NRXN1: variants seen among roughly 807,000 people sequenced by gnomAD.
NRXN1 encodes neurexin 1.
In NRXN1, 39 loss-of-function variants were observed where a neutral mutation model predicts 150.9. That is an observed-to-expected ratio of 0.26 (90% CI 0.20 to 0.34). The LOEUF is 0.34. NRXN1 is among the 10% of genes least tolerant of loss of function. The pLI is 1.00. For missense variants in NRXN1, 1,815 were observed against 1,949.9 expected (o/e 0.93, Z 1.30); for synonymous variants, 924 against 757.0 (o/e 1.22, Z -3.62).
At chr2:50,706,391 G>A (rs1694440948) in intron 5 of NRXN1, among the ~76,000 whole-genome samples, 2 of 152,102 alleles carry the variant, frequency 1.3e-5, no homozygotes, top group African/African-American at 4.8e-5. Context: ...CAACAGGTTA[G>A]CAAATACTTC....
intron 21 of NRXN1, among the ~76,000 whole-genome samples, chr2:49,957,600 C>G (rs1675208008): frequency 6.6e-6 from 1 of 152,100 alleles, no homozygotes; most frequent in Non-Finnish European, 1.5e-5. Flanking sequence ...AAAAGCACCT[C>G]AAAAAATCAC....
chr2:50,465,079 C>G (rs567539990), intron 17 of NRXN1, among the ~76,000 whole-genome samples: 2 of 151,226 alleles, frequency 1.3e-5, no homozygotes, highest in African/African-American at 4.9e-5. Context: ...TTACAGCCCT[C>G]GAGACATAAT....
Position 50,519,682 on chromosome 2 carries a change from G to A in NRXN1, c.2374+8943C>T, listed in dbSNP as rs145451029. ...CTATTAGTAGGTTACAGTCAAGGACGATAACTTATACTAACACATCTAGAA... is the reference window on the plus strand; with the variant it reads ...CTATTAGTAGGTTACAGTCAAGGACAATAACTTATACTAACACATCTAGAA... On this transcript the variant is annotated intron_variant, in intron 12 of 22. Transcript: ENST00000401669. Among the ~76,000 whole-genome samples the A allele has an allele frequency of 7.1e-4, 108 of 151,990 alleles. 1 individual carries two copies. The highest frequency in any genetic ancestry group is 2.4e-3 in the African/African-American group (99 of 41,520).
At chr2:50,466,549 T>C (rs1399642728) in intron 16 of NRXN1, 2 of 453,816 alleles carry the variant, frequency 4.4e-6, no homozygotes, top group South Asian at 1.6e-5. Flanking sequence ...AATACTGAAA[T>C]GGGGCAAACA....
intron 17 of NRXN1, among the ~76,000 whole-genome samples, chr2:50,292,832 T>A (rs890333785): frequency 6.6e-6 from 1 of 152,158 alleles, no homozygotes; most frequent in Admixed American, 6.6e-5. Flanking sequence ...TAATGCCAAA[T>A]CTTGATTCAT....
intron 17 of NRXN1, among the ~76,000 whole-genome samples, chr2:50,446,121 G>C (rs1378020165): frequency 1.4e-5 from 2 of 147,524 alleles, no homozygotes; most frequent in Non-Finnish European, 3.0e-5. Flanking sequence ...GTGTGAACTG[G>C]AAAAAAAAGA....
chr2:49,960,916 T>C (rs1454216769), intron 21 of NRXN1, among the ~76,000 whole-genome samples: 3 of 152,168 alleles, frequency 2.0e-5, no homozygotes, highest in Non-Finnish European at 4.4e-5. Flanking sequence ...CATACTATAA[T>C]TGGGTAAGTT....
intron 2 of NRXN1, among the ~76,000 whole-genome samples, chr2:50,987,012 T>C (rs763920892): frequency 1.3e-5 from 2 of 151,902 alleles, no homozygotes; most frequent in Non-Finnish European, 2.9e-5. Flanking sequence ...CATTTCTATA[T>C]GCTATTCATC....
chr2:50,073,022 T>G (rs556099070), intron 19 of NRXN1, among the ~76,000 whole-genome samples: 31 of 152,242 alleles, frequency 2.0e-4, no homozygotes, highest in African/African-American at 6.5e-4. Context: ...GGACAAACTT[T>G]GTCTATGCCT....
At chr2:50,613,795 G>A (rs1038523524) in intron 8 of NRXN1, among the ~76,000 whole-genome samples, 14 of 152,108 alleles carry the variant, frequency 9.2e-5, no homozygotes, top group Middle Eastern at 3.4e-3. Context: ...AAAATTACCC[G>A]GGCATGGTGA....
intron 5 of NRXN1, among the ~76,000 whole-genome samples, chr2:50,656,915 A>C (rs1027766800): frequency 6.6e-6 from 1 of 152,080 alleles, no homozygotes; most frequent in African/African-American, 2.4e-5. Context: ...AAATAAAATT[A>C]AATGGAAGAG....
intron 5 of NRXN1, among the ~76,000 whole-genome samples, chr2:50,656,186 C>T (rs961436335): frequency 6.6e-6 from 1 of 151,976 alleles, no homozygotes; most frequent in Non-Finnish European, 1.5e-5. Flanking sequence ...TACACCACTT[C>T]ACCCCCTGCC....
At chr2:50,069,932 G>A (rs1215550661) in intron 19 of NRXN1, among the ~76,000 whole-genome samples, 1 of 148,052 alleles carries the variant, frequency 6.8e-6, no homozygotes, top group South Asian at 2.2e-4. Flanking sequence ...CTCACTGCAA[G>A]CTCCACCTCC....
intron 21 of NRXN1, among the ~76,000 whole-genome samples, chr2:49,998,705 T>C (rs1179676761): frequency 6.6e-6 from 1 of 152,200 alleles, no homozygotes; most frequent in Non-Finnish European, 1.5e-5. Flanking sequence ...TTCATTATTA[T>C]GAATGATAAT....
At chr2:50,134,242 T>C (rs1574092307) in intron 18 of NRXN1, among the ~76,000 whole-genome samples, 1 of 137,636 alleles carries the variant, frequency 7.3e-6, no homozygotes, top group South Asian at 2.3e-4. Context: ...GGTGTTGAGG[T>C]ATAGCTGCCA....
At chr2:50,753,423 G>A (rs902139110) in intron 5 of NRXN1, among the ~76,000 whole-genome samples, 9 of 151,610 alleles carry the variant, frequency 5.9e-5, no homozygotes, top group African/African-American at 1.9e-4. Flanking sequence ...TCTCCATTAC[G>A]GCCAACACAG....
chr2:50,726,344 G>A (rs1697360430), intron 5 of NRXN1, among the ~76,000 whole-genome samples: 1 of 152,124 alleles, frequency 6.6e-6, no homozygotes, highest in Admixed American at 6.5e-5. Context: ...TTTATTATAT[G>A]GAAATAATAG....
chr2:50,624,392 T>C (rs1355349848), intron 5 of NRXN1, among the ~76,000 whole-genome samples: 2 of 152,138 alleles, frequency 1.3e-5, no homozygotes, highest in South Asian at 2.1e-4. Context: ...GGTTCCACTC[T>C]GCTGACAACA....
intron 18 of NRXN1, among the ~76,000 whole-genome samples, chr2:50,217,007 C>A (rs949976043): frequency 1.3e-5 from 2 of 152,056 alleles, no homozygotes; most frequent in Non-Finnish European, 2.9e-5. Context: ...CCCAGTAATA[C>A]TTTCAAGGGT....
Sources: allele counts gnomAD v4.1 joint callset (sites outside exome capture counted in the v4.1 genomes callset), GRCh38; gene constraint gnomAD v4.1.1; transcripts MANE v1.5; gene names NCBI Gene and HGNC (gene_info 2026-07-23, HGNC 2026-07-21).